The following FOXP1 variants were observed in gnomAD, a reference collection of about 807,000 sequenced individuals.
FOXP1 encodes the protein forkhead box protein P1.
A neutral mutation model predicts 98.2 loss-of-function variants in FOXP1; 15 were observed. The observed-to-expected ratio is 0.15, with a 90% CI of 0.10 to 0.24. FOXP1 has a LOEUF of 0.24. Ranked by LOEUF, FOXP1 falls within the 10% of genes least tolerant of loss-of-function variation. The pLI is 1.00. For missense variants in FOXP1, 633 were observed against 848.5 expected (o/e 0.75, Z 3.15); for synonymous variants, 371 against 314.5 (o/e 1.18, Z -1.90).
chr3:71,384,484 T>C (rs1490208472), intron 3 of FOXP1, among the ~76,000 whole-genome samples: 1 of 152,012 alleles, frequency 6.6e-6, no homozygotes, highest in Non-Finnish European at 1.5e-5. Context: ...TCCCACAGGG[T>C]ATAAGATAAA....
chr3:71,081,352 A>C (rs2054393602), intron 7 of FOXP1, among the ~76,000 whole-genome samples: 1 of 152,210 alleles, frequency 6.6e-6, no homozygotes, highest in South Asian at 2.1e-4. Context: ...AAGACACAGA[A>C]TCATAGAAAC....
At chr3:71,226,828 A>G (rs1016664967) in intron 5 of FOXP1, among the ~76,000 whole-genome samples, 1 of 152,010 alleles carries the variant, frequency 6.6e-6, no homozygotes, top group Non-Finnish European at 1.5e-5. Flanking sequence ...GGCTCCCTGC[A>G]AGGGCACTAA....
chr3:71,353,269 G>A (rs529913698), intron 4 of FOXP1, among the ~76,000 whole-genome samples: 2 of 152,340 alleles, frequency 1.3e-5, no homozygotes, highest in African/African-American at 2.4e-5. Context: ...ATTGAGAAGA[G>A]GGCAGCACAA....
intron 7 of FOXP1, among the ~76,000 whole-genome samples, chr3:71,087,172 G>A (rs2055206920): frequency 6.6e-6 from 1 of 152,194 alleles, no homozygotes; most frequent in Non-Finnish European, 1.5e-5. Flanking sequence ...TTCAAGAGCT[G>A]TGCAGGCCCT....
chr3:71,250,144 T>G (rs1269118030), intron 5 of FOXP1, among the ~76,000 whole-genome samples: 1 of 150,082 alleles, frequency 6.7e-6, no homozygotes, highest in Non-Finnish European at 1.5e-5. Context: ...AGCTACCCTA[T>G]GCATTGCAGA....
intron 4 of FOXP1, among the ~76,000 whole-genome samples, chr3:71,329,136 G>A (rs554733553): frequency 6.6e-6 from 1 of 152,176 alleles, no homozygotes; most frequent in East Asian, 1.9e-4. Context: ...TGATCAAGCT[G>A]CTTGGGTGCA....
intron 3 of FOXP1, among the ~76,000 whole-genome samples, chr3:71,429,001 C>T (rs912546321): frequency 3.3e-5 from 5 of 152,154 alleles, no homozygotes; most frequent in African/African-American, 7.2e-5. Context: ...GGACTAGTGC[C>T]GACATGCAGA....
intron 6 of FOXP1, among the ~76,000 whole-genome samples, chr3:71,117,759 G>A (rs1235107247): frequency 6.6e-6 from 1 of 152,168 alleles, no homozygotes; most frequent in Non-Finnish European, 1.5e-5. Context: ...GTTCCTGGGT[G>A]GGTTGAGTCA....
chr3:71,078,169 G>A (rs898156352), intron 7 of FOXP1, among the ~76,000 whole-genome samples: 1 of 152,204 alleles, frequency 6.6e-6, no homozygotes, highest in Non-Finnish European at 1.5e-5. Context: ...AGCTCTGAGA[G>A]ATGAATTGTG....
At chr3:70,981,102 C>A (rs1207202045) in intron 14 of FOXP1, among the ~76,000 whole-genome samples, 5 of 134,362 alleles carry the variant, frequency 3.7e-5, no homozygotes, top group South Asian at 5.1e-4. Flanking sequence ...GAAGAATAGA[C>A]AAATCCCACA....
At chr3:71,506,679 T>C (rs561865244) in intron 2 of FOXP1, among the ~76,000 whole-genome samples, 38 of 152,012 alleles carry the variant, frequency 2.5e-4, no homozygotes, top group African/African-American at 9.2e-4. Flanking sequence ...AGCTGGTCCT[T>C]CCCCTCAGTA....
At chr3:71,376,088 G>A (rs2079690856) in intron 3 of FOXP1, among the ~76,000 whole-genome samples, 2 of 152,102 alleles carry the variant, frequency 1.3e-5, no homozygotes, top group African/African-American at 2.4e-5. Context: ...GCAAATTTAA[G>A]AGAGATGAAA....
intron 5 of FOXP1, among the ~76,000 whole-genome samples, chr3:71,224,622 A>G (rs1473096242): frequency 6.6e-6 from 1 of 152,222 alleles, no homozygotes; most frequent in Non-Finnish European, 1.5e-5. Flanking sequence ...AAAATTATCC[A>G]GCAAGTCAAA....
intron 4 of FOXP1, among the ~76,000 whole-genome samples, chr3:71,300,851 A>G (rs536540796): frequency 1.3e-5 from 2 of 152,338 alleles, no homozygotes; most frequent in Non-Finnish European, 2.9e-5. Context: ...GAAGTGGTTT[A>G]ATTTTATAGG....
Position 70,958,737 on chromosome 3 carries a change from CAAAAAAAAAAAAAAAAAAAA to C in FOXP1, c.*490_*509del, listed in dbSNP as rs10633687. The C allele has an allele frequency of 5.0e-4, 12 of 24,020 alleles. No homozygotes were observed. Among genetic ancestry groups the C allele is most frequent in the Admixed American group, 8.0e-4 (1 of 1,246 alleles). 1.5% of individuals were successfully genotyped at this position (24,020 alleles called of 1,614,324 possible). A position where few individuals can be genotyped will look rare whatever the true frequency, so the allele number is the denominator to read the frequency against. ...AGGCCTTCCCCATCCCAACTGGAAG[CAAAAAAAAAAAAAAAAAAAA>C]AAAAAAAAAAGGAGTAAAGGCAGTG... On this transcript the variant is annotated 3_prime_UTR_variant, in exon 21 of 21. Coordinates refer to ENST00000649528, the MANE Select transcript of FOXP1 (RefSeq NM_001349338.3).
chr3:71,327,925 A>T (rs907745002), intron 4 of FOXP1, among the ~76,000 whole-genome samples: 1 of 152,184 alleles, frequency 6.6e-6, no homozygotes, highest in African/African-American at 2.4e-5. Flanking sequence ...CTAAATCAGT[A>T]ATGTTCTCCC....
intron 4 of FOXP1, among the ~76,000 whole-genome samples, chr3:71,347,412 A>G (rs574945310): frequency 1.3e-5 from 2 of 152,350 alleles, no homozygotes; most frequent in Non-Finnish European, 2.9e-5. Flanking sequence ...TCTGACTTAA[A>G]CAAACTTCTG....
At chr3:71,138,411 C>T (rs2059920074) in intron 6 of FOXP1, among the ~76,000 whole-genome samples, 1 of 151,534 alleles carries the variant, frequency 6.6e-6, no homozygotes, top group South Asian at 2.1e-4. Flanking sequence ...CCTATATGTA[C>T]GAATACAATG....
intron 3 of FOXP1, among the ~76,000 whole-genome samples, chr3:71,465,324 AAAGAAGAAG>A (rs398052612): frequency 1.5e-4 from 10 of 67,728 alleles, no homozygotes; most frequent in African/African-American, 5.5e-4. Flanking sequence ...AAAAAAAAAA[AAAGAAGAAG>A]AAGAAGAAGA....
Sources: gnomAD v4.1 joint callset for allele counts (sites outside exome capture counted in the v4.1 genomes callset) on GRCh38, gnomAD v4.1.1 for gene constraint, MANE v1.5 for transcripts, NCBI Gene and HGNC (gene_info 2026-07-23, HGNC 2026-07-21) for gene names.